Variants in RNF157 observed in about 807,000 individuals in gnomAD.
The protein encoded by RNF157 is ring finger protein 157.
Under a neutral mutation model 88.3 loss-of-function variants are expected in RNF157, and 55 were observed. That is an observed-to-expected ratio of 0.62 (90% CI 0.50 to 0.78). The LOEUF (loss-of-function observed/expected upper bound fraction) is 0.78, where lower values mean the gene tolerates loss of function less well. Among genes scored for constraint, RNF157 ranks in the 30% least tolerant of loss-of-function variants. The probability of loss-of-function intolerance (pLI) is 0.00; values close to 1 mark genes in which losing one functional copy is unlikely to be tolerated. For synonymous variants in RNF157, 334 were observed against 341.2 expected (o/e 0.98, Z 0.23); for missense variants, 788 against 860.8 (o/e 0.92, Z 1.06).
rs147279638 is a variant in RNF157, at chr17:76,222,721, T to G, written c.89-10239A>C. Reference sequence around the variant, plus strand: ...AGCAGAGACCGAGAGATGCAAGGTTTGAACCGAAGGTCTGGCTAACTCCAC... The same window carrying G: ...AGCAGAGACCGAGAGATGCAAGGTTGGAACCGAAGGTCTGGCTAACTCCAC... On this transcript the variant is annotated intron_variant, in intron 1 of 18. Transcript: ENST00000269391. 6.0e-3 allele frequency among the ~76,000 whole-genome samples: 916 copies of G among 152,250 alleles called. 12 individuals are homozygous for G. Among genetic ancestry groups the G allele is most frequent in the African/African-American group, 0.021 (854 of 41,548 alleles).
chr17:76,205,723 CTAAATAAATAAATAAATAAA>C (rs35839727), intron 2 of RNF157, among the ~76,000 whole-genome samples: 2 of 146,738 alleles, frequency 1.4e-5, no homozygotes, highest in East Asian at 2.0e-4. Flanking sequence ...GACTCCATCT[CTAAATAAATAAATAAATAAA>C]TAAATAAATA....
intron 1 of RNF157, among the ~76,000 whole-genome samples, chr17:76,214,300 G>A (rs1327250414): frequency 6.6e-6 from 1 of 152,196 alleles, no homozygotes; most frequent in Non-Finnish European, 1.5e-5. Flanking sequence ...TTGCTGACCA[G>A]AGGTCACAGA....
chr17:76,186,385 T>C (rs1262074082), intron 2 of RNF157, among the ~76,000 whole-genome samples: 1 of 151,850 alleles, frequency 6.6e-6, no homozygotes, highest in Non-Finnish European at 1.5e-5. Context: ...CGGGTGCCTG[T>C]AATCCCAGCT....
chr17:76,164,486 C>T, intron 8 of RNF157: 1 of 306,782 alleles, frequency 3.3e-6, no homozygotes, highest in Non-Finnish European at 5.9e-6. Flanking sequence ...TAAAGGCTCC[C>T]TCAACACCAA....
At chr17:76,158,370 AAG>A (rs2068797108) in intron 13 of RNF157, 21 bp downstream of exon 13, 29 of 1,520,370 alleles carry the variant, frequency 1.9e-5, no homozygotes, top group Non-Finnish European at 2.6e-5. Flanking sequence ...AACACCCAAG[AAG>A]AGGAGAGGAA....
At chr17:76,167,165 C>G in intron 4 of RNF157, 39 bp from the exon 5 acceptor site, 1 of 1,477,900 alleles carries the variant, frequency 6.8e-7, no homozygotes, top group East Asian at 2.3e-5. Flanking sequence ...AAGTCAGTAT[C>G]CGGCACAGAT....
intron 2 of RNF157, among the ~76,000 whole-genome samples, chr17:76,211,098 C>T (rs1424593035): frequency 6.6e-6 from 1 of 152,240 alleles, no homozygotes; most frequent in East Asian, 1.9e-4. Flanking sequence ...GGCCACTGTG[C>T]CTGGCCCACC....
chr17:76,178,533 G>C (rs1013541410), intron 2 of RNF157, among the ~76,000 whole-genome samples: 2 of 152,246 alleles, frequency 1.3e-5, no homozygotes, highest in Non-Finnish European at 2.9e-5. Flanking sequence ...AGTGCAGCCT[G>C]TCAGGCCAAG....
chr17:76,169,303 T>C (rs1323966640), intron 3 of RNF157, among the ~76,000 whole-genome samples: 1 of 152,096 alleles, frequency 6.6e-6, no homozygotes, highest in African/African-American at 2.4e-5. Context: ...CTAAAAGCTA[T>C]TTTTTTGGTT....
intron 17 of RNF157, chr17:76,152,666 G>A: frequency 1.9e-6 from 1 of 521,656 alleles, no homozygotes; most frequent in Non-Finnish European, 3.5e-6. Flanking sequence ...CTTTCCTGCT[G>A]TTTCCCTAGA....
rs958244480 is a variant in RNF157 at position 76,195,002 on chromosome 17, G to A, written c.207+17362C>T. On this transcript the variant is annotated intron_variant, in intron 2 of 18. Transcript: ENST00000269391. The surrounding 1 kb of genome is among the most constrained non-coding windows in gnomAD (Gnocchi z 4.4). ...TGCACTCCAGCCTGGGTGACAGAGC[G>A]AGACTCTGTCTCAAAAAAACAAAAC... 6.6e-5 allele frequency among the ~76,000 whole-genome samples: 10 copies of A among 152,076 alleles called. No homozygotes were observed. The highest frequency in any genetic ancestry group is 2.1e-4 in the South Asian group (1 of 4,826).
intron 6 of RNF157, among the ~76,000 whole-genome samples, chr17:76,165,868 G>A (rs2068915765): frequency 6.6e-6 from 1 of 151,984 alleles, no homozygotes. Flanking sequence ...AGTAGAGACG[G>A]GGTTTCACTA....
intron 17 of RNF157, chr17:76,153,060 T>C (rs1204775885): frequency 6.6e-6 from 1 of 152,238 alleles, no homozygotes; most frequent in Non-Finnish European, 1.5e-5. Context: ...TCTACAGACA[T>C]GTAAGAAGGG....
At position 76,144,178 on chromosome 17, in the gene RNF157, G is replaced by A. The variant is rs2068551163; in HGVS notation, c.*1057C>T. Reference sequence around the variant, plus strand: ...TACGACCACTCCTCACCCAGTGCTTGGCACACAGAGGTGGTCAACACATGT... The same window carrying A: ...TACGACCACTCCTCACCCAGTGCTTAGCACACAGAGGTGGTCAACACATGT... On this transcript the variant is annotated 3_prime_UTR_variant, in exon 19 of 19. Transcript: ENST00000269391. 1 of 152,198 alleles carries A rather than the reference G, an allele frequency of 6.6e-6. No individual in the cohort carries two copies. Among genetic ancestry groups the A allele is most frequent in the Non-Finnish European group, 1.5e-5 (1 of 68,050 alleles). 9.4% of individuals were successfully genotyped at this position (152,198 alleles called of 1,614,324 possible).
Position 76,154,286 on chromosome 17 carries a change from C to A in RNF157, c.1807G>T (p.Glu603Ter). ...AAAGGACCAGATCTTTTACCACCTTCCTGCGTGGGTGATCCATCCTCTTCC... is the reference window on the plus strand; with the variant it reads ...AAAGGACCAGATCTTTTACCACCTTACTGCGTGGGTGATCCATCCTCTTCC... ...IEEEDGSPTQ[E>*]GQRTCAFLGM... Residue 603 changes from glutamate (E) to a stop codon, truncating the protein, a stop_gained, in exon 17 of 19, where the codon GAA (glutamate) becomes TAA (stop). Transcript: ENST00000269391. LOFTEE classifies it high-confidence loss of function. The A allele has an allele frequency of 6.2e-7, 1 of 1,608,926 alleles. No homozygotes were observed. Among genetic ancestry groups the A allele is most frequent in the Non-Finnish European group, 8.5e-7 (1 of 1,175,210 alleles).
rs1598377673 is a variant in RNF157, at chr17:76,145,131, T to G, written c.*104A>C. ...GGTTGTAACAGCTGTCACAGGAGGG[T>G]AAAAAGTCTCCAGCATCTTGCTGAG... On this transcript the variant is annotated 3_prime_UTR_variant, in exon 19 of 19. Coordinates refer to ENST00000269391, the MANE Select transcript of RNF157 (RefSeq NM_052916.3). The G allele has an allele frequency of 1.4e-6, 1 of 702,042 alleles. No homozygotes were observed. The allele number at this position is 702,042 out of a possible 1,614,324, so 43.5% of individuals were successfully genotyped here.
intron 2 of RNF157, among the ~76,000 whole-genome samples, chr17:76,182,070 G>A (rs973638061): frequency 1.3e-5 from 2 of 152,140 alleles, no homozygotes; most frequent in African/African-American, 2.4e-5. Context: ...GTAAAGGGGC[G>A]TCAAGCTTGC....
chr17:76,187,020 G>T (rs1363993885), intron 2 of RNF157, among the ~76,000 whole-genome samples: 1 of 151,796 alleles, frequency 6.6e-6, no homozygotes, highest in Non-Finnish European at 1.5e-5. Context: ...ATAATAGTAT[G>T]AAATATATCA....
chr17:76,239,337 C>T (rs1404001687), intron 1 of RNF157, among the ~76,000 whole-genome samples: 3 of 152,286 alleles, frequency 2.0e-5, no homozygotes, highest in Admixed American at 6.5e-5. Flanking sequence ...AATGCTGATA[C>T]CACAATCCAG....
Sources: allele counts gnomAD v4.1 joint callset (sites outside exome capture counted in the v4.1 genomes callset), GRCh38; gene constraint gnomAD v4.1.1; non-coding constraint Gnocchi (gnomAD v3.1); transcripts MANE v1.5; gene names NCBI Gene and HGNC (gene_info 2026-07-23, HGNC 2026-07-21).